Variants in PCDHGA11 observed in about 807,000 individuals in gnomAD.
PCDHGA11 encodes the protein protocadherin gamma subfamily A, 11.
In PCDHGA11, 39 loss-of-function variants were observed where a neutral mutation model predicts 60.4. That is an observed-to-expected ratio of 0.65 (90% CI 0.50 to 0.84). The LOEUF is 0.84. PCDHGA11 is among the 40% of genes least tolerant of loss of function. PCDHGA11 has a pLI of 0.00. For synonymous variants in PCDHGA11, 533 were observed against 510.3 expected, an observed-to-expected ratio of 1.04 and a Z score of -0.60; for missense variants, 1,165 against 1,197.7, an observed-to-expected ratio of 0.97 and a Z score of 0.40.
chr5:141,501,891 T>G (rs2099811650), intron 2 of PCDHGA11, among the ~76,000 whole-genome samples: 1 of 152,128 alleles, frequency 6.6e-6, no homozygotes, highest in Admixed American at 6.5e-5. Context: ...CTGATCATCA[T>G]GGTTCCAACC....
intron 1 of PCDHGA11, chr5:141,478,687 A>G: frequency 6.4e-7 from 1 of 1,551,218 alleles, no homozygotes; most frequent in Middle Eastern, 1.7e-4. Context: ...CCCTTCCTAG[A>G]TCAAAGTTAG....
chr5:141,485,358 G>A lies in PCDHGA11; in HGVS notation c.2434-9449G>A, dbSNP rs372994272. The A allele has an allele frequency of 1.2e-6, 2 of 1,614,100 alleles. No homozygotes were observed. Among genetic ancestry groups the A allele is most frequent in the Admixed American group, 3.3e-5 (2 of 60,002 alleles). ...CTGGATACGGACAGTCTGTCAGCTC[G>A]CAGGCTGCAGGTCGCTGGAGAGGTG... is the stretch of plus-strand genomic sequence containing the variant. On this transcript the variant is annotated intron_variant, in intron 1 of 3. Transcript: ENST00000398587. This position sits in a 1 kb window ranked among gnomAD's most constrained non-coding sequence, Gnocchi z 5.7.
chr5:141,482,859 G>A (rs1371172226), intron 1 of PCDHGA11, among the ~76,000 whole-genome samples: 3 of 148,230 alleles, frequency 2.0e-5, no homozygotes, highest in Admixed American at 6.7e-5. Flanking sequence ...ATCACTTGAG[G>A]TCAGGAGTTT....
intron 1 of PCDHGA11, among the ~76,000 whole-genome samples, chr5:141,425,497 CT>C (rs2096879671): frequency 6.6e-6 from 1 of 152,164 alleles, no homozygotes; most frequent in African/African-American, 2.4e-5. Context: ...TAGGCTATAC[CT>C]TTATATTCTC....
chr5:141,421,703 G>A lies in PCDHGA11; in HGVS notation c.476G>A (p.Arg159Lys). 1.2e-6 allele frequency: 2 copies of A among 1,613,946 alleles called. No individual in the cohort carries two copies. Among genetic ancestry groups the A allele is most frequent in the Middle Eastern group, 1.6e-4 (1 of 6,062 alleles). ...GCGCGATTTGCTCTTCCTAATGCTAGGGATCCAGATGTGGGCGTGAACTCC... is the reference window on the plus strand; with the variant it reads ...GCGCGATTTGCTCTTCCTAATGCTAAGGATCCAGATGTGGGCGTGAACTCC... The part of the protein sequence containing the change: ...PGARFALPNA[R>K]DPDVGVNSLQ... The change falls in exon 1 of 4, where the codon AGG (arginine) becomes AAG (lysine). Residue 159 changes from arginine (R) to lysine (K), a missense_variant. Transcript: ENST00000398587.
Position 141,477,447 on chromosome 5 carries a change from G to C in PCDHGA11, c.2434-17360G>C, listed in dbSNP as rs779097830. On this transcript the variant is annotated intron_variant, in intron 1 of 3. Coordinates refer to ENST00000398587, the MANE Select transcript of PCDHGA11 (RefSeq NM_018914.3). The surrounding 1 kb of genome is among the most constrained non-coding windows in gnomAD (Gnocchi z 4.9). ...TCCCTCTCAGCCCTTACAATAGTGCGTGTTCAAGTGTCCGACATCAATGAC... is the reference window on the plus strand; with the variant it reads ...TCCCTCTCAGCCCTTACAATAGTGCCTGTTCAAGTGTCCGACATCAATGAC... The C allele has an allele frequency of 1.6e-5, 26 of 1,614,098 alleles. No individual in the cohort carries two copies. Among genetic ancestry groups the C allele is most frequent in the Non-Finnish European group, 2.2e-5 (26 of 1,180,016 alleles).
rs2099884522 is a variant in PCDHGA11, at chr5:141,512,941, T to C, written c.*1768T>C. On this transcript the variant is annotated 3_prime_UTR_variant, in exon 4 of 4. Transcript: ENST00000398587. ...CTAATATTTATATGGCTTTTTTTCT[T>C]CGACAAAAAAATAATAAAACGTTTC... The C allele has an allele frequency of 6.6e-6, 1 of 151,892 alleles. No individual in the cohort carries two copies. The highest frequency in any genetic ancestry group is 6.6e-5 in the Admixed American group (1 of 15,236). The allele number at this position is 151,892 out of a possible 1,614,324, so 9.4% of individuals were successfully genotyped here.
In PCDHGA11 at chr5:141,490,949, A is replaced by G. The variant is rs2074912; in HGVS notation, c.2434-3858A>G. On this transcript the variant is annotated intron_variant, in intron 1 of 3. Coordinates refer to ENST00000398587, the MANE Select transcript of PCDHGA11 (RefSeq NM_018914.3). The surrounding 1 kb of genome is among the most constrained non-coding windows in gnomAD (Gnocchi z 5.4). ...CCAGCTGTGCTGCACCCACGGCCAG[A>G]CTGGGAACACTCAGCCCCCCAGCGT... 0.21 allele frequency: 331,850 copies of G among 1,613,352 alleles called. 36,311 individuals carry two copies. The highest frequency in any genetic ancestry group is 0.37 in the Admixed American group (22,349 of 59,972).
At chr5:141,461,819 A>T (rs573339238) in intron 1 of PCDHGA11, among the ~76,000 whole-genome samples, 68 of 149,282 alleles carry the variant, frequency 4.6e-4, no homozygotes, top group Non-Finnish European at 9.5e-4. Flanking sequence ...ACACCCAGCT[A>T]ATTTTTTTTT....
At chr5:141,425,457 T>G (rs936918643) in intron 1 of PCDHGA11, among the ~76,000 whole-genome samples, 6 of 152,318 alleles carry the variant, frequency 3.9e-5, no homozygotes, top group Admixed American at 6.5e-5. Flanking sequence ...ACCATCACAT[T>G]TCATGTTATT....
chr5:141,496,152 C>T (rs771462960), intron 2 of PCDHGA11, among the ~76,000 whole-genome samples: 2 of 152,080 alleles, frequency 1.3e-5, no homozygotes, highest in Non-Finnish European at 1.5e-5. Flanking sequence ...GATCGCAGCT[C>T]TCCACCAGAC....
chr5:141,459,486 G>A (rs764885682), intron 1 of PCDHGA11, among the ~76,000 whole-genome samples: 8 of 152,154 alleles, frequency 5.3e-5, no homozygotes, highest in Admixed American at 3.9e-4. Context: ...GTGCTATTCT[G>A]AATTAAAGTG....
At chr5:141,440,954 G>A (rs908507291) in intron 1 of PCDHGA11, 9 of 152,184 alleles carry the variant, frequency 5.9e-5, no homozygotes, top group Non-Finnish European at 1.0e-4. Flanking sequence ...GAGTGTCAAG[G>A]CAGAGATCAC....
At chr5:141,499,557 C>G (rs972965979) in intron 2 of PCDHGA11, among the ~76,000 whole-genome samples, 1 of 152,192 alleles carries the variant, frequency 6.6e-6, no homozygotes, top group African/African-American at 2.4e-5. Context: ...TATGATACCA[C>G]TATCCAGCTT....
intron 2 of PCDHGA11, among the ~76,000 whole-genome samples, chr5:141,497,332 A>G (rs537994715): frequency 6.6e-6 from 1 of 152,024 alleles, no homozygotes; most frequent in Non-Finnish European, 1.5e-5. Context: ...AGAATTCACC[A>G]TTGAACCTGG....
In PCDHGA11 at chr5:141,432,733, C is replaced by T; in HGVS notation, c.2433+9073C>T. 1 of 1,614,094 alleles carries T rather than the reference C, an allele frequency of 6.2e-7. No individual in the cohort carries two copies. Among genetic ancestry groups the T allele is most frequent in the Middle Eastern group, 1.6e-4 (1 of 6,062 alleles). ...GCCAGCCCCCTCTCTCCGCCACTGTCACGCTCACCGTGGCCGTGGCCGACA... is the reference window on the plus strand; with the variant it reads ...GCCAGCCCCCTCTCTCCGCCACTGTTACGCTCACCGTGGCCGTGGCCGACA... On this transcript the variant is annotated intron_variant, in intron 1 of 3. Coordinates refer to ENST00000398587, the MANE Select transcript of PCDHGA11 (RefSeq NM_018914.3). The surrounding 1 kb of genome is among the most constrained non-coding windows in gnomAD (Gnocchi z 6.0).
At position 141,489,635 on chromosome 5, in the gene PCDHGA11, G is replaced by C. The variant is rs1380466520; in HGVS notation, c.2434-5172G>C. 2 of 1,614,142 alleles carry C rather than the reference G, an allele frequency of 1.2e-6. No homozygotes were observed. The highest frequency in any genetic ancestry group is 3.3e-5 in the Admixed American group (2 of 60,016). ...CTGGATCTCAATGACAACTCTCCTAGCTTTGCCACCCCTGAGCGAGAGATG... is the reference window on the plus strand; with the variant it reads ...CTGGATCTCAATGACAACTCTCCTACCTTTGCCACCCCTGAGCGAGAGATG... On this transcript the variant is annotated intron_variant, in intron 1 of 3. Transcript: ENST00000398587. This position sits in a 1 kb window ranked among gnomAD's most constrained non-coding sequence, Gnocchi z 4.5.
rs781026604 is a variant in PCDHGA11, at chr5:141,490,471, C to A, written c.2434-4336C>A. The A allele has an allele frequency of 6.2e-7, 1 of 1,614,214 alleles. No individual in the cohort carries two copies. The highest frequency in any genetic ancestry group is 1.1e-5 in the South Asian group (1 of 91,088). On this transcript the variant is annotated intron_variant, in intron 1 of 3. Transcript: ENST00000398587. This position sits in a 1 kb window ranked among gnomAD's most constrained non-coding sequence, Gnocchi z 5.4. ...CCACTACTCGCTGCTAACCAGCCAGCCTTTGGACCGGGAGGCCACATCCCA... is the reference window on the plus strand; with the variant it reads ...CCACTACTCGCTGCTAACCAGCCAGACTTTGGACCGGGAGGCCACATCCCA...
chr5:141,501,326 CA>C (rs1562200763), intron 2 of PCDHGA11, among the ~76,000 whole-genome samples: 18 of 151,784 alleles, frequency 1.2e-4, no homozygotes, highest in African/African-American at 1.9e-4. Flanking sequence ...CACACACACA[CA>C]CACACACCCC....
Sources: allele counts gnomAD v4.1 joint callset (sites outside exome capture counted in the v4.1 genomes callset), GRCh38; gene constraint gnomAD v4.1.1; non-coding constraint Gnocchi (gnomAD v3.1); transcripts MANE v1.5; gene names NCBI Gene and HGNC (gene_info 2026-07-23, HGNC 2026-07-21).